PCDH9: variants seen among roughly 807,000 people sequenced by gnomAD.
The protein encoded by PCDH9 is protocadherin-9.
Under a neutral mutation model 70.6 loss-of-function variants are expected in PCDH9, and 24 were observed. The observed-to-expected ratio is 0.34, with a 90% CI of 0.25 to 0.48. The LOEUF is 0.48. Among genes scored for constraint, PCDH9 ranks in the 20% least tolerant of loss-of-function variants. The pLI is 0.99. For synonymous variants in PCDH9, 562 were observed against 558.5 expected, an observed-to-expected ratio of 1.01 and a Z score of -0.09; for missense variants, 1,281 against 1,503.6, an observed-to-expected ratio of 0.85 and a Z score of 2.45.
At chr13:66,622,208 G>T (rs1735647630) in intron 4 of PCDH9, among the ~76,000 whole-genome samples, 1 of 152,228 alleles carries the variant, frequency 6.6e-6, no homozygotes, top group South Asian at 2.1e-4. Context: ...GAGACCTGCA[G>T]CCCGCCATGC....
intron 2 of PCDH9, among the ~76,000 whole-genome samples, chr13:67,061,713 G>A (rs575298777): frequency 5.9e-5 from 9 of 152,026 alleles, no homozygotes; most frequent in South Asian, 4.2e-4. Context: ...AGAAAGGTGC[G>A]TTTTAAAAAA....
In PCDH9 at chr13:66,696,460, T is replaced by C. The variant is rs74771137; in HGVS notation, c.3139-65049A>G. Among the ~76,000 whole-genome samples the C allele has an allele frequency of 2.4e-3, 370 of 152,320 alleles. 16 individuals are homozygous for C. In the East Asian group the frequency reaches 0.058, roughly 24 times the overall value. The stretch of plus-strand genomic sequence containing the variant: ...AATAATTTCCATATTTATAACAATG[T>C]CAGGCAAAAGAAATCTTCTCTAACC... On this transcript the variant is annotated intron_variant, in intron 3 of 4. Transcript: ENST00000377865.
intron 3 of PCDH9, among the ~76,000 whole-genome samples, chr13:66,683,982 G>T (rs1239607567): frequency 6.6e-6 from 1 of 152,098 alleles, no homozygotes; most frequent in Non-Finnish European, 1.5e-5. Flanking sequence ...TCAAGATTCT[G>T]TGCCTTATTG....
intron 2 of PCDH9, among the ~76,000 whole-genome samples, chr13:67,108,732 T>C (rs2086597125): frequency 6.6e-6 from 1 of 152,274 alleles, no homozygotes; most frequent in South Asian, 2.1e-4. Context: ...TTACAGTGGG[T>C]ACTATATTTA....
intron 3 of PCDH9, among the ~76,000 whole-genome samples, chr13:66,698,049 C>T (rs950585279): frequency 6.6e-6 from 1 of 151,958 alleles, no homozygotes; most frequent in African/African-American, 2.4e-5. Context: ...TGTGTAATTC[C>T]ACTAATATCA....
chr13:66,870,040 G>A (rs1418812777), intron 3 of PCDH9, among the ~76,000 whole-genome samples: 1 of 152,052 alleles, frequency 6.6e-6, no homozygotes, highest in African/African-American at 2.4e-5. Context: ...TTCTTCTAGG[G>A]TTTTTATGGT....
chr13:66,831,269 T>C (rs2139407501), intron 3 of PCDH9, among the ~76,000 whole-genome samples: 1 of 152,304 alleles, frequency 6.6e-6, no homozygotes, highest in East Asian at 1.9e-4. Context: ...TGAAAATGCA[T>C]CTACAACCTC....
chr13:66,874,971 G>T (rs1299868407), intron 3 of PCDH9, among the ~76,000 whole-genome samples: 5 of 151,060 alleles, frequency 3.3e-5, no homozygotes, highest in African/African-American at 1.2e-4. Context: ...GAGACAGAGA[G>T]ATATGTAGAA....
At chr13:66,618,936 T>G (rs9540841) in intron 4 of PCDH9, among the ~76,000 whole-genome samples, 12,756 of 152,238 alleles carry the variant, frequency 0.084, 661 homozygotes, top group Middle Eastern at 0.12. Context: ...TACTATAGAT[T>G]TTTCCACCAC....
chr13:66,625,198 TATC>T (rs2077482791), intron 4 of PCDH9, among the ~76,000 whole-genome samples: 1 of 152,168 alleles, frequency 6.6e-6, no homozygotes, highest in African/African-American at 2.4e-5. Context: ...AATTTTAAAA[TATC>T]ATTTAAAAGC....
Position 66,834,875 on chromosome 13 carries a change from G to A in PCDH9, c.3138+68629C>T, listed in dbSNP as rs146459133. Among the ~76,000 whole-genome samples the A allele has an allele frequency of 3.4e-3, 516 of 152,286 alleles. 2 individuals carry two copies. Among genetic ancestry groups the A allele is most frequent in the Middle Eastern group, 0.014 (4 of 294 alleles). ...ACGCTTTGCTCCTCTTCCTAACCTGGATGCTATGTTTAAGAGAATGCTCTC... is the reference window on the plus strand; with the variant it reads ...ACGCTTTGCTCCTCTTCCTAACCTGAATGCTATGTTTAAGAGAATGCTCTC... On this transcript the variant is annotated intron_variant, in intron 3 of 4. Coordinates refer to ENST00000377865, the MANE Select transcript of PCDH9 (RefSeq NM_203487.3).
At chr13:66,927,320 C>T (rs1218262437) in intron 2 of PCDH9, among the ~76,000 whole-genome samples, 1 of 151,958 alleles carries the variant, frequency 6.6e-6, no homozygotes, top group Non-Finnish European at 1.5e-5. Context: ...ACTGCATGTT[C>T]TCACTTGTAA....
intron 2 of PCDH9, among the ~76,000 whole-genome samples, chr13:67,151,931 A>T (rs2087672876): frequency 6.7e-6 from 1 of 149,946 alleles, no homozygotes; most frequent in African/African-American, 2.4e-5. Flanking sequence ...AAGAGAGATA[A>T]TTTTTTTTTT....
chr13:67,079,601 G>A (rs1199224214), intron 2 of PCDH9, among the ~76,000 whole-genome samples: 1 of 152,118 alleles, frequency 6.6e-6, no homozygotes, highest in Non-Finnish European at 1.5e-5. Flanking sequence ...ATTTTGAAAT[G>A]GCTGCCATGG....
At chr13:66,703,558 G>A (rs1336950210) in intron 3 of PCDH9, among the ~76,000 whole-genome samples, 1 of 152,092 alleles carries the variant, frequency 6.6e-6, no homozygotes, top group African/African-American at 2.4e-5. Context: ...GTTTTCTCAA[G>A]TTTGTCTATT....
At chr13:66,552,099 C>T (rs1400373512) in intron 4 of PCDH9, among the ~76,000 whole-genome samples, 2 of 152,050 alleles carry the variant, frequency 1.3e-5, no homozygotes, top group Non-Finnish European at 1.5e-5. Flanking sequence ...TTGTTTTGTC[C>T]TACCACCTCT....
chr13:66,475,699 C>T (rs969728445), intron 4 of PCDH9, among the ~76,000 whole-genome samples: 1 of 152,046 alleles, frequency 6.6e-6, no homozygotes, highest in East Asian at 1.9e-4. Flanking sequence ...TCAAAATGGT[C>T]TCCTGTCAGA....
At chr13:66,405,855 T>C (rs1566301033) in intron 4 of PCDH9, among the ~76,000 whole-genome samples, 1 of 152,132 alleles carries the variant, frequency 6.6e-6, no homozygotes, top group Non-Finnish European at 1.5e-5. Context: ...TCTAGAGTAA[T>C]GATTATTAGT....
chr13:66,555,605 G>A (rs1486457769), intron 4 of PCDH9, among the ~76,000 whole-genome samples: 1 of 151,656 alleles, frequency 6.6e-6, no homozygotes, highest in Non-Finnish European at 1.5e-5. Flanking sequence ...CACATCAACG[G>A]TCTCCATTAA....
Sources: gnomAD v4.1 joint callset for allele counts (sites outside exome capture counted in the v4.1 genomes callset) on GRCh38, gnomAD v4.1.1 for gene constraint, MANE v1.5 for transcripts, NCBI Gene and HGNC (gene_info 2026-07-23, HGNC 2026-07-21) for gene names.